The following LRTM3 variants were observed in gnomAD, a reference collection of about 807,000 sequenced individuals.
The protein encoded by LRTM3 is leucine-rich repeat transmembrane protein 3.
the LRTM3 span, chr13:102,742,502 A>G: frequency 6.5e-7 from 1 of 1,550,268 alleles, no homozygotes; most frequent in Non-Finnish European, 8.7e-7. Flanking sequence ...TTCAATTTGA[A>G]GTGGATGTAT....
chr13:102,747,222 C>A, the LRTM3 span: 11 of 1,550,422 alleles, frequency 7.1e-6, no homozygotes, highest in African/African-American at 1.4e-5. Flanking sequence ...TGATTCTCTG[C>A]ATTTAATCTG....
At chr13:102,742,317 C>A in the LRTM3 span, 1 of 1,549,636 alleles carries the variant, frequency 6.5e-7, no homozygotes, top group South Asian at 1.2e-5. Flanking sequence ...CTTTCCACAT[C>A]TGCTGTCTTT....
chr13:102,735,345 A>T, the LRTM3 span: 1 of 1,551,286 alleles, frequency 6.4e-7, no homozygotes, highest in Non-Finnish European at 8.7e-7. Flanking sequence ...GCTTCTGGAC[A>T]TGCTATTCTC....
the LRTM3 span, chr13:102,731,490 A>G: frequency 6.4e-7 from 1 of 1,551,278 alleles, no homozygotes; most frequent in Non-Finnish European, 8.7e-7. Flanking sequence ...TCTAAAAGGG[A>G]TTTGTGCTGC....
At chr13:102,739,383 C>G in the LRTM3 span, 1 of 1,550,402 alleles carries the variant, frequency 6.4e-7, no homozygotes, top group Non-Finnish European at 8.7e-7. Flanking sequence ...TTAATTGACT[C>G]TGCAGATGAT....
At chr13:102,740,150 C>G in the LRTM3 span, 1 of 1,547,910 alleles carries the variant, frequency 6.5e-7, no homozygotes, top group Non-Finnish European at 8.7e-7. Context: ...CTTCCCAAGT[C>G]TTAACTTGGG....
chr13:102,747,632 T>C, the LRTM3 span: 2 of 1,551,186 alleles, frequency 1.3e-6, no homozygotes, highest in African/African-American at 1.4e-5. Flanking sequence ...GACACTATAC[T>C]CTGTTGTTTC....
the LRTM3 span, chr13:102,734,361 G>A: frequency 1.3e-6 from 2 of 1,551,352 alleles, no homozygotes; most frequent in Non-Finnish European, 1.7e-6. Flanking sequence ...TCATCTGCAT[G>A]CGTAGCTCTC....
chr13:102,731,462 T>G, the LRTM3 span: 3 of 1,551,532 alleles, frequency 1.9e-6, no homozygotes, highest in East Asian at 2.4e-5. Flanking sequence ...CTTATTTTTT[T>G]CTTTGGGAGT....
the LRTM3 span, chr13:102,736,550 G>T: frequency 6.4e-7 from 1 of 1,550,960 alleles, no homozygotes; most frequent in African/African-American, 1.4e-5. Flanking sequence ...TGTTATTCGT[G>T]GTTCACCTTC....
the LRTM3 span, chr13:102,759,063 T>C: frequency 3.3e-6 from 2 of 607,090 alleles, no homozygotes; most frequent in Non-Finnish European, 5.8e-6. Context: ...GCTGGTATCT[T>C]ATCAAGTGCA....
At chr13:102,750,575 C>T in the LRTM3 span, among the ~76,000 whole-genome samples, 18 of 152,106 alleles carry the variant, frequency 1.2e-4, no homozygotes, top group East Asian at 1.4e-3. Context: ...AACTAATCGA[C>T]GGAAAAAGTG....
At chr13:102,748,124 T>C in the LRTM3 span, 4 of 1,551,142 alleles carry the variant, frequency 2.6e-6, no homozygotes, top group South Asian at 4.8e-5. Flanking sequence ...TGATATGCTA[T>C]GTGTTTCTGT....
the LRTM3 span, chr13:102,741,435 G>T: frequency 1.1e-5 from 17 of 1,550,068 alleles, no homozygotes; most frequent in African/African-American, 2.1e-4. Flanking sequence ...TTTGTACAAA[G>T]AAATTTCTGT....
chr13:102,746,986 A>G, the LRTM3 span: 3 of 1,551,170 alleles, frequency 1.9e-6, no homozygotes, highest in Non-Finnish European at 2.6e-6. Context: ...GGATTGGTTG[A>G]TGCATTTCTT....
At chr13:102,736,956 G>T in the LRTM3 span, 2 of 1,551,062 alleles carry the variant, frequency 1.3e-6, no homozygotes, top group Non-Finnish European at 1.7e-6. Flanking sequence ...CCTGCTGTTC[G>T]TTTGTCTAAT....
the LRTM3 span, chr13:102,746,132 T>C: frequency 6.4e-7 from 1 of 1,551,192 alleles, no homozygotes; most frequent in Non-Finnish European, 8.7e-7. Flanking sequence ...TAAAGTAGTT[T>C]GTTCAAAACC....
the LRTM3 span, chr13:102,732,800 C>T: frequency 6.4e-7 from 1 of 1,551,252 alleles, no homozygotes; most frequent in Non-Finnish European, 8.7e-7. Flanking sequence ...TTTTAATTTC[C>T]CTTCTTTCTG....
chr13:102,732,901 C>T, the LRTM3 span: 8 of 1,551,266 alleles, frequency 5.2e-6, no homozygotes, highest in African/African-American at 2.7e-5. Flanking sequence ...CCTCCAGATC[C>T]CCTGATTGAA....
Sources: gnomAD v4.1 joint callset for allele counts (sites outside exome capture counted in the v4.1 genomes callset) on GRCh38, gnomAD v4.1.1 for gene constraint, MANE v1.5 for transcripts, NCBI Gene and HGNC (gene_info 2026-07-23, HGNC 2026-07-21) for gene names.